STON2: variants seen among roughly 807,000 people sequenced by gnomAD.
STON2 encodes the protein stonin-2.
In STON2, 29 loss-of-function variants were observed where a neutral mutation model predicts 65.7. The observed-to-expected ratio is 0.44, with a 90% CI of 0.33 to 0.60. The LOEUF is 0.60. Ranked by LOEUF, STON2 falls within the 20% of genes least tolerant of loss-of-function variation. STON2 has a pLI of 0.03. For missense variants in STON2, 1,054 were observed against 1,118.1 expected, an observed-to-expected ratio of 0.94 and a Z score of 0.82; for synonymous variants, 404 against 414.2, an observed-to-expected ratio of 0.98 and a Z score of 0.30.
intron 4 of STON2, among the ~76,000 whole-genome samples, chr14:81,361,208 C>T (rs1898476734): frequency 6.6e-6 from 1 of 152,000 alleles, no homozygotes; most frequent in African/African-American, 2.4e-5. Context: ...CTATCATAAG[C>T]AAAAACAACA....
chr14:81,331,383 G>A (rs933368951), intron 4 of STON2, among the ~76,000 whole-genome samples: 1 of 152,168 alleles, frequency 6.6e-6, no homozygotes, highest in Admixed American at 6.5e-5. Context: ...CTAGGGGGTT[G>A]GACCAACCCC....
intron 5 of STON2, among the ~76,000 whole-genome samples, chr14:81,307,657 AC>A (rs1896233129): frequency 6.6e-6 from 1 of 152,116 alleles, no homozygotes; most frequent in Non-Finnish European, 1.5e-5. Context: ...TGCCTCTGCC[AC>A]CCCAGACAAC....
At chr14:81,296,871 G>GT (rs1327480427) in intron 5 of STON2, among the ~76,000 whole-genome samples, 5 of 152,236 alleles carry the variant, frequency 3.3e-5, no homozygotes, top group Admixed American at 1.3e-4. Context: ...GAGGAAGAAT[G>GT]TAACAATCCT....
At chr14:81,423,658 G>T (rs1031654764) in intron 2 of STON2, among the ~76,000 whole-genome samples, 1 of 152,114 alleles carries the variant, frequency 6.6e-6, no homozygotes, top group African/African-American at 2.4e-5. Context: ...AGACGCATGG[G>T]CATAAAACCA....
chr14:81,377,471 A>C (rs1183762303), intron 3 of STON2, among the ~76,000 whole-genome samples: 2 of 152,168 alleles, frequency 1.3e-5, no homozygotes, highest in Non-Finnish European at 2.9e-5. Flanking sequence ...AGCTGCTATA[A>C]ACATTTGTGT....
upstream of STON2, among the ~76,000 whole-genome samples, chr14:81,404,552 G>A (rs1900756166): frequency 6.6e-6 from 1 of 152,098 alleles, no homozygotes; most frequent in Non-Finnish European, 1.5e-5. Flanking sequence ...TGCTCATGCT[G>A]GAGTACAGGG....
chr14:81,364,176 TCTAGGGATATCCTA>T (rs1430585250), intron 4 of STON2, among the ~76,000 whole-genome samples: 2 of 152,100 alleles, frequency 1.3e-5, no homozygotes, highest in Non-Finnish European at 2.9e-5. Flanking sequence ...GTTCAAAATC[TCTAGGGATATCCTA>T]CTGCTCTGGC....
In STON2 at chr14:81,398,234, T is replaced by C. The variant is rs1013159348; in HGVS notation, c.88+61A>G. On this transcript the variant is annotated intron_variant, in intron 2 of 7. Transcript: ENST00000614646. The stretch of plus-strand genomic sequence containing the variant: ...CCAAAGAATAATCAAGTAGAAGCCA[T>C]AACAAATAGACATGGTTCTTTGACA... 5 of 1,234,746 alleles carry C rather than the reference T, an allele frequency of 4.0e-6. No individual in the cohort carries two copies. In the Admixed American group the frequency reaches 8.3e-5, roughly 20 times the overall value. 76.5% of individuals were successfully genotyped at this position (1,234,746 alleles called of 1,614,324 possible).
At chr14:81,425,938 A>G (rs1327650611) in intron 2 of STON2, among the ~76,000 whole-genome samples, 1 of 152,246 alleles carries the variant, frequency 6.6e-6, no homozygotes, top group Admixed American at 6.5e-5. Flanking sequence ...TGGAATTAAA[A>G]TTCGGATTTC....
intron 3 of STON2, chr14:81,395,419 T>C (rs1415480343): frequency 6.5e-6 from 1 of 153,452 alleles, no homozygotes; most frequent in East Asian, 1.9e-4. Flanking sequence ...TTTTTGTATT[T>C]TTGGCAGAGA....
chr14:81,331,237 T>A (rs970172153), intron 4 of STON2, among the ~76,000 whole-genome samples: 1 of 152,258 alleles, frequency 6.6e-6, no homozygotes, highest in Non-Finnish European at 1.5e-5. Flanking sequence ...CTGCCACAGA[T>A]GCTTTGGGTA....
At chr14:81,306,643 T>G (rs1022153454) in intron 5 of STON2, 2 of 152,170 alleles carry the variant, frequency 1.3e-5, no homozygotes, top group Non-Finnish European at 2.9e-5. Flanking sequence ...TTCACGGATT[T>G]CAGTCCTCAT....
intron 2 of STON2, among the ~76,000 whole-genome samples, chr14:81,423,170 G>A (rs985792585): frequency 1.3e-5 from 2 of 152,034 alleles, no homozygotes; most frequent in African/African-American, 2.4e-5. Flanking sequence ...TTATCACTAC[G>A]TACACAAGTC....
chr14:81,284,700 C>T (rs908119783), intron 5 of STON2, among the ~76,000 whole-genome samples: 1 of 151,950 alleles, frequency 6.6e-6, no homozygotes, highest in African/African-American at 2.4e-5. Context: ...ATAAAACAGC[C>T]TTTTACTGGA....
At chr14:81,316,834 C>T (rs909641530) in intron 5 of STON2, among the ~76,000 whole-genome samples, 2 of 152,152 alleles carry the variant, frequency 1.3e-5, no homozygotes, top group Non-Finnish European at 2.9e-5. Flanking sequence ...TCCTGGCTAA[C>T]ATGGTGAAAC....
chr14:81,279,384 G>A (rs28622498), intron 5 of STON2, among the ~76,000 whole-genome samples: 5 of 152,004 alleles, frequency 3.3e-5, no homozygotes, highest in Admixed American at 2.6e-4. Context: ...GAAAAATATC[G>A]AATCTCACTA....
chr14:81,423,113 G>A lies in STON2; in HGVS notation c.-199+3989C>T, dbSNP rs559553993. 2.2e-4 allele frequency among the ~76,000 whole-genome samples: 33 copies of A among 152,002 alleles called. No homozygotes were observed. The South Asian group carries it at 2.5e-3, about 11-fold the overall frequency. On this transcript the variant is annotated intron_variant, in intron 2 of 8. Coordinates refer to the STON2 transcript ENST00000553821. ...AACTATCTTCATCTTCCTGCAACAT[G>A]ACCTTCTATAGGTATACCTAAGGTG... is the stretch of plus-strand genomic sequence containing the variant.
At chr14:81,299,253 T>C (rs1461773652) in intron 5 of STON2, among the ~76,000 whole-genome samples, 1 of 152,214 alleles carries the variant, frequency 6.6e-6, no homozygotes, top group Non-Finnish European at 1.5e-5. Context: ...TACAAACATA[T>C]ATGTGAGACT....
chr14:81,393,823 G>A (rs1353500397), intron 3 of STON2, among the ~76,000 whole-genome samples: 5 of 152,136 alleles, frequency 3.3e-5, no homozygotes, highest in Non-Finnish European at 7.4e-5. Context: ...GTTCAGTAAG[G>A]GAAGCCTGTC....
Sources: allele counts gnomAD v4.1 joint callset (sites outside exome capture counted in the v4.1 genomes callset), GRCh38; gene constraint gnomAD v4.1.1; transcripts MANE v1.5; gene names NCBI Gene and HGNC (gene_info 2026-07-23, HGNC 2026-07-21).